CSMD1: variants seen among roughly 807,000 people sequenced by gnomAD.
The protein encoded by CSMD1 is CUB and sushi domain-containing protein 1.
In CSMD1, 213 loss-of-function variants were observed where a neutral mutation model predicts 417.5. The ratio of observed to expected loss-of-function variants is 0.51; its 90% confidence interval spans 0.46 to 0.57. The LOEUF (loss-of-function observed/expected upper bound fraction) is 0.57, where lower values mean the gene tolerates loss of function less well. CSMD1 is among the 20% of genes least tolerant of loss of function. The pLI, the probability that CSMD1 is intolerant of heterozygous loss-of-function variation, is 0.00. For synonymous variants in CSMD1, 2,862 were observed against 1,736.8 expected (o/e 1.65, Z -16.11); for missense variants, 6,923 against 4,529.7 (o/e 1.53, Z -15.17).
chr8:4,336,643 G>A (rs552726979), intron 3 of CSMD1, among the ~76,000 whole-genome samples: 1 of 152,284 alleles, frequency 6.6e-6, no homozygotes, highest in South Asian at 2.1e-4. Flanking sequence ...ACATGAGCAT[G>A]CTTCACTTCA....
intron 54 of CSMD1, among the ~76,000 whole-genome samples, chr8:2,995,739 C>G (rs1806836288): frequency 6.6e-6 from 1 of 152,146 alleles, no homozygotes; most frequent in African/African-American, 2.4e-5. Flanking sequence ...ATTATTGACA[C>G]AGGCCACAAC....
chr8:3,593,083 C>G (rs1800930599), intron 8 of CSMD1, among the ~76,000 whole-genome samples: 2 of 152,200 alleles, frequency 1.3e-5, no homozygotes, highest in African/African-American at 4.8e-5. Flanking sequence ...AGGAATGGAG[C>G]TGAGTCCTGC....
intron 7 of CSMD1, among the ~76,000 whole-genome samples, chr8:3,698,489 G>C (rs1015926782): frequency 3.9e-5 from 6 of 152,200 alleles, no homozygotes; most frequent in African/African-American, 1.4e-4. Context: ...TTTAAAGCAA[G>C]ACCTACAGCA....
At chr8:3,416,326 A>C (rs1813149505) in intron 12 of CSMD1, among the ~76,000 whole-genome samples, 1 of 139,678 alleles carries the variant, frequency 7.2e-6, no homozygotes, top group Non-Finnish European at 1.6e-5. Context: ...AAAAAAAAAA[A>C]GTGTTCTTTA....
At chr8:4,631,967 T>G (rs1256869255) in intron 2 of CSMD1, among the ~76,000 whole-genome samples, 1 of 152,244 alleles carries the variant, frequency 6.6e-6, no homozygotes, top group African/African-American at 2.4e-5. Flanking sequence ...TCTGACTTTC[T>G]AAGGAGTTTC....
rs570839201 is a variant in CSMD1, at chr8:3,773,487, G to A, written c.819-19445C>T. Among the ~76,000 whole-genome samples, 47 of 152,178 alleles carry A rather than the reference G, an allele frequency of 3.1e-4. No homozygotes were observed. The South Asian group carries it at 4.2e-3, about 13-fold the overall frequency. On this transcript the variant is annotated intron_variant, in intron 5 of 69. Coordinates refer to ENST00000635120, the MANE Select transcript of CSMD1 (RefSeq NM_033225.6). ...TTTTTTGTAGAGATTGGGTCTCACC[G>A]TGTTTCCCAGGCTGGTCTTGAACTC...
chr8:3,905,613 T>G (rs1335913205), intron 5 of CSMD1, among the ~76,000 whole-genome samples: 1 of 152,234 alleles, frequency 6.6e-6, no homozygotes, highest in Non-Finnish European at 1.5e-5. Flanking sequence ...CACTTCAGTG[T>G]GACTGAAAAT....
chr8:4,905,141 A>T (rs1033698071), intron 1 of CSMD1, among the ~76,000 whole-genome samples: 1 of 152,162 alleles, frequency 6.6e-6, no homozygotes, highest in East Asian at 1.9e-4. Flanking sequence ...TGTCATAAGG[A>T]ATGAAATCCT....
At chr8:4,937,184 G>A (rs1044912048) in intron 1 of CSMD1, among the ~76,000 whole-genome samples, 2 of 152,104 alleles carry the variant, frequency 1.3e-5, no homozygotes, top group Admixed American at 1.3e-4. Context: ...CTGCATTACA[G>A]CCTGAGCAAC....
chr8:3,347,278 C>T (rs1808075182), intron 22 of CSMD1, among the ~76,000 whole-genome samples: 1 of 152,154 alleles, frequency 6.6e-6, no homozygotes, highest in South Asian at 2.1e-4. Context: ...AACCCCTAGG[C>T]CATGGAAGGT....
At chr8:4,319,987 T>C (rs992744590) in intron 3 of CSMD1, among the ~76,000 whole-genome samples, 11 of 152,040 alleles carry the variant, frequency 7.2e-5, no homozygotes, top group Non-Finnish European at 1.2e-4. Flanking sequence ...AAAAATATCA[T>C]AAAATAGGAG....
At chr8:4,375,237 A>C (rs910943002) in intron 3 of CSMD1, among the ~76,000 whole-genome samples, 1 of 152,130 alleles carries the variant, frequency 6.6e-6, no homozygotes, top group Non-Finnish European at 1.5e-5. Context: ...ATGGTCTTAG[A>C]ATACATAAAA....
chr8:3,690,534 C>A (rs910911476), intron 7 of CSMD1, among the ~76,000 whole-genome samples: 2 of 152,174 alleles, frequency 1.3e-5, no homozygotes, highest in African/African-American at 4.8e-5. Flanking sequence ...GACTGTTAGT[C>A]ATCATCTACT....
At chr8:3,450,619 C>G (rs1197267016) in intron 12 of CSMD1, among the ~76,000 whole-genome samples, 1 of 151,852 alleles carries the variant, frequency 6.6e-6, no homozygotes, top group African/African-American at 2.4e-5. Flanking sequence ...CCAGCTTCAT[C>G]CATGTCCCTA....
At chr8:3,822,697 C>G (rs2129083471) in intron 5 of CSMD1, among the ~76,000 whole-genome samples, 1 of 152,274 alleles carries the variant, frequency 6.6e-6, no homozygotes, top group South Asian at 2.1e-4. Context: ...ATGACTTCCT[C>G]CTGGGCAGGT....
intron 46 of CSMD1, among the ~76,000 whole-genome samples, chr8:3,097,624 T>C (rs969219837): frequency 6.6e-6 from 1 of 152,196 alleles, no homozygotes; most frequent in East Asian, 1.9e-4. Flanking sequence ...CCGGGGATGA[T>C]GACAGATTTC....
intron 1 of CSMD1, among the ~76,000 whole-genome samples, chr8:4,837,199 T>C (rs1467831968): frequency 6.6e-6 from 1 of 152,186 alleles, no homozygotes; most frequent in Non-Finnish European, 1.5e-5. Flanking sequence ...AGGAAACCAT[T>C]ACATACTATT....
chr8:3,134,306 C>T (rs1817956817), intron 41 of CSMD1, among the ~76,000 whole-genome samples: 1 of 152,216 alleles, frequency 6.6e-6, no homozygotes, highest in South Asian at 2.1e-4. Flanking sequence ...AGTTCCTGAA[C>T]CATGACCCTG....
intron 17 of CSMD1, among the ~76,000 whole-genome samples, chr8:3,392,246 A>C (rs993465635): frequency 1.3e-5 from 2 of 152,106 alleles, no homozygotes; most frequent in Admixed American, 1.3e-4. Context: ...CCTAAAACTT[A>C]AAGTATAATA....
Sources: allele counts gnomAD v4.1 joint callset (sites outside exome capture counted in the v4.1 genomes callset), GRCh38; gene constraint gnomAD v4.1.1; transcripts MANE v1.5; gene names NCBI Gene and HGNC (gene_info 2026-07-23, HGNC 2026-07-21).